RIMS1: variants seen among roughly 807,000 people sequenced by gnomAD.
RIMS1 encodes regulating synaptic membrane exocytosis protein 1.
RIMS1 carries 83 observed loss-of-function variants against 214.1 expected under a neutral mutation model. The ratio of observed to expected loss-of-function variants is 0.39; its 90% CI spans 0.32 to 0.47. The LOEUF is 0.47. RIMS1 is among the 20% of genes least tolerant of loss of function. The pLI is 0.99. For missense variants in RIMS1, 2,050 were observed against 2,161.8 expected, an observed-to-expected ratio of 0.95 and a Z score of 1.03; for synonymous variants, 793 against 786.8, an observed-to-expected ratio of 1.01 and a Z score of -0.13.
At chr6:72,203,287 C>G (rs958450643) in intron 6 of RIMS1, among the ~76,000 whole-genome samples, 1 of 151,994 alleles carries the variant, frequency 6.6e-6, no homozygotes, top group East Asian at 1.9e-4. Context: ...GCGCCTGGCC[C>G]CATAAATATT....
chr6:72,058,414 G>T (rs1048165315), intron 2 of RIMS1, among the ~76,000 whole-genome samples: 4 of 152,186 alleles, frequency 2.6e-5, no homozygotes, highest in African/African-American at 9.6e-5. Context: ...TCTTGATTAC[G>T]TGGTTTGATT....
chr6:72,017,865 A>C (rs1013067578), intron 2 of RIMS1, among the ~76,000 whole-genome samples: 1 of 152,208 alleles, frequency 6.6e-6, no homozygotes, highest in Non-Finnish European at 1.5e-5. Context: ...TTCTGGGCAG[A>C]AGGACATGCA....
At chr6:72,257,936 A>G (rs2076548160) in intron 16 of RIMS1, among the ~76,000 whole-genome samples, 189 bp from the exon 17 acceptor site, 1 of 152,200 alleles carries the variant, frequency 6.6e-6, no homozygotes, top group South Asian at 2.1e-4. Flanking sequence ...AACCTGTTTC[A>G]ATGCATGTAT....
intron 18 of RIMS1, 69 bp downstream of exon 18, chr6:72,259,180 G>A (rs2076991036): frequency 1.5e-6 from 2 of 1,337,472 alleles, no homozygotes; most frequent in Non-Finnish European, 2.1e-6. Flanking sequence ...CAGATATTGT[G>A]GCATAGCACA....
chr6:72,219,804 C>A (rs188086253), intron 6 of RIMS1, among the ~76,000 whole-genome samples: 1 of 150,104 alleles, frequency 6.7e-6, no homozygotes, highest in Admixed American at 6.6e-5. Flanking sequence ...TTTTTATCCA[C>A]TTAATTTTTT....
intron 16 of RIMS1, among the ~76,000 whole-genome samples, chr6:72,255,389 G>A (rs988622500): frequency 6.6e-6 from 1 of 152,128 alleles, no homozygotes; most frequent in Non-Finnish European, 1.5e-5. Flanking sequence ...AAGCTCAAAA[G>A]CTCTGTACAA....
intron 4 of RIMS1, among the ~76,000 whole-genome samples, chr6:72,109,275 C>T (rs2035491464): frequency 6.6e-6 from 1 of 152,090 alleles, no homozygotes; most frequent in African/African-American, 2.4e-5. Flanking sequence ...GGAATTGCCA[C>T]ACTGACTTCC....
intron 1 of RIMS1, among the ~76,000 whole-genome samples, chr6:71,958,635 A>G (rs1792005607): frequency 1.3e-5 from 2 of 152,140 alleles, no homozygotes; most frequent in Non-Finnish European, 2.9e-5. Flanking sequence ...GAAATAAGAT[A>G]TAATAGGAAT....
intron 4 of RIMS1, among the ~76,000 whole-genome samples, chr6:72,174,573 A>G (rs2047459908): frequency 6.6e-6 from 1 of 152,198 alleles, no homozygotes; most frequent in African/African-American, 2.4e-5. Context: ...TTTTCACTGC[A>G]GAGTTCTGTG....
At chr6:71,988,442 T>TA (rs563422583) in intron 2 of RIMS1, among the ~76,000 whole-genome samples, 113 of 147,516 alleles carry the variant, frequency 7.7e-4, no homozygotes, top group South Asian at 5.6e-3. Flanking sequence ...ACTTAGGAAT[T>TA]AAAAAAAAAA....
intron 19 of RIMS1, chr6:72,263,630 G>A: frequency 3.0e-6 from 3 of 985,326 alleles, no homozygotes; most frequent in South Asian, 9.4e-5. Context: ...ATTTGCCTGA[G>A]GTTAGGAGTT....
intron 1 of RIMS1, among the ~76,000 whole-genome samples, chr6:71,906,643 G>C (rs559555656): frequency 1.3e-5 from 2 of 152,008 alleles, no homozygotes; most frequent in Admixed American, 1.3e-4. Flanking sequence ...TGCATGGAGC[G>C]GAGTGCCTGA....
chr6:71,969,162 C>T, intron 2 of RIMS1, 99 bp downstream of exon 2: 1 of 1,152,392 alleles, frequency 8.7e-7, no homozygotes, highest in East Asian at 2.4e-5. Flanking sequence ...GATACTCTGG[C>T]TGCTCTTGTA....
chr6:71,888,356 C>T (rs1019232129), intron 1 of RIMS1, among the ~76,000 whole-genome samples: 2 of 152,096 alleles, frequency 1.3e-5, no homozygotes, highest in African/African-American at 4.8e-5. Flanking sequence ...GAAGGTGTAT[C>T]TGGGGCCAGG....
At chr6:71,896,153 C>G (rs958552226) in intron 1 of RIMS1, among the ~76,000 whole-genome samples, 2 of 152,084 alleles carry the variant, frequency 1.3e-5, no homozygotes, top group African/African-American at 4.8e-5. Flanking sequence ...TTAGTAAGAT[C>G]CAAAATCCTA....
At chr6:72,153,246 T>A (rs1401605004) in intron 4 of RIMS1, among the ~76,000 whole-genome samples, 2 of 150,934 alleles carry the variant, frequency 1.3e-5, no homozygotes, top group Non-Finnish European at 3.0e-5. Context: ...ATCAATTTAC[T>A]TATATTCAAA....
chr6:71,912,987 T>G (rs1210124718), intron 1 of RIMS1, among the ~76,000 whole-genome samples: 1 of 152,136 alleles, frequency 6.6e-6, no homozygotes, highest in Non-Finnish European at 1.5e-5. Context: ...TCCTTTGTTC[T>G]GAAAACAATT....
intron 28 of RIMS1, among the ~76,000 whole-genome samples, chr6:72,329,330 C>T (rs893326777): frequency 1.3e-5 from 2 of 151,614 alleles, no homozygotes; most frequent in Admixed American, 6.6e-5. Context: ...GTGAGAAAAC[C>T]GACAGTATAA....
rs1004291826 is a variant in RIMS1 at position 72,014,321 on chromosome 6, C to T, written c.245+45258C>T. Among the ~76,000 whole-genome samples, 4 of 152,198 alleles carry T rather than the reference C, an allele frequency of 2.6e-5. No individual in the cohort carries two copies. The South Asian group carries it at 6.2e-4, about 24-fold the overall frequency. On this transcript the variant is annotated intron_variant, in intron 2 of 33. Transcript: ENST00000521978. Reference sequence around the variant, plus strand: ...TCTCCATCTGGTCCCTCCTATGACACGTGGGGATTATGGAAACTACAATTC... The same window carrying T: ...TCTCCATCTGGTCCCTCCTATGACATGTGGGGATTATGGAAACTACAATTC...
Sources: gnomAD v4.1 joint callset for allele counts (sites outside exome capture counted in the v4.1 genomes callset) on GRCh38, gnomAD v4.1.1 for gene constraint, MANE v1.5 for transcripts, NCBI Gene and HGNC (gene_info 2026-07-23, HGNC 2026-07-21) for gene names.